The following SEC14L5 variants were observed in gnomAD, a reference collection of about 807,000 sequenced individuals.
SEC14L5 encodes SEC14 like lipid binding 5.
Under a neutral mutation model 84.6 loss-of-function variants are expected in SEC14L5, and 96 were observed. The ratio of observed to expected loss-of-function variants is 1.13; its 90% CI spans 0.96 to 1.34. The LOEUF (loss-of-function observed/expected upper bound fraction) is 1.34, where lower values mean the gene tolerates loss of function less well. SEC14L5 is among the 40% of genes most tolerant of loss of function. The pLI is 0.00. For synonymous variants in SEC14L5, 546 were observed against 383.4 expected (o/e 1.42, Z -4.95); for missense variants, 1,224 against 942.5 (o/e 1.30, Z -3.91).
At chr16:5,007,578 C>A in intron 13 of SEC14L5, 92 bp downstream of exon 13, 116 of 811,534 alleles carry the variant, frequency 1.4e-4, no homozygotes, top group Non-Finnish European at 2.0e-4. Flanking sequence ...GATGAGGATT[C>A]TTTTTTCTTT....
intron 2 of SEC14L5, among the ~76,000 whole-genome samples, chr16:4,962,057 C>CAAATCAAG: frequency 6.6e-6 from 1 of 150,758 alleles, no homozygotes; most frequent in South Asian, 2.1e-4. Flanking sequence ...CAGTCATCCC[C>CAAATCAAG]ATTTCACAAA....
chr16:4,959,124 G>A, intron 1 of SEC14L5, 149 bp from the exon 2 acceptor site: 2 of 602,402 alleles, frequency 3.3e-6, no homozygotes, highest in Non-Finnish European at 6.0e-6. Context: ...GGCTTGGCCT[G>A]GAGTAATTTG....
In SEC14L5 at chr16:5,007,423, C is replaced by A. The variant is rs1380773972; in HGVS notation, c.1509C>A (p.Asp503Glu). 3.7e-6 allele frequency: 6 copies of A among 1,613,826 alleles called. No individual in the cohort carries two copies. Among genetic ancestry groups the A allele is most frequent in the Non-Finnish European group, 5.1e-6 (6 of 1,179,810 alleles). ...CAGAAGAGGAGCAGGAGCACACGGA[C>A]CAGCTGTGGCAGTGGAGTGAGACCT... ...YMTEEEQEHT[D>E]QLWQWSETYH... is the part of the protein sequence containing the mutation. Residue 503 changes from aspartate (D) to glutamate (E), a missense_variant, in exon 13 of 16, where the codon GAC becomes GAA. Coordinates refer to ENST00000251170, the MANE Select transcript of SEC14L5 (RefSeq NM_014692.2).
At position 5,003,571 on chromosome 16, in the gene SEC14L5, C is replaced by T; in HGVS notation, c.1300C>T (p.Leu434=). The change falls in exon 11 of 16, where the codon CTG becomes TTG. Residue 434 remains leucine, a splice_region_variant and synonymous_variant. Transcript: ENST00000251170. The part of the protein sequence containing the change: ...APRVFPVLWT[L]ISPFINENTR... ...CCGAGTCTTCCCCGTGCTCTGGACA[C>T]TGGTAAGAGCTGGAGCCTGGGCCAG... The T allele has an allele frequency of 7.7e-7, 1 of 1,294,756 alleles. No homozygotes were observed. The highest frequency in any genetic ancestry group is 5.3e-5 in the East Asian group (1 of 18,996). The allele number at this position is 1,294,756 out of a possible 1,614,324, so 80.2% of individuals were successfully genotyped here. A position where few individuals can be genotyped will look rare whatever the true frequency, so the allele number is the denominator to read the frequency against.
chr16:4,987,196 T>C (rs1412251805), intron 2 of SEC14L5, among the ~76,000 whole-genome samples: 21 of 93,978 alleles, frequency 2.2e-4, no homozygotes, highest in Non-Finnish European at 2.1e-5. Flanking sequence ...CCTAGTTTAT[T>C]GAATCTTTTT....
chr16:4,977,446 C>CAAAAAAAAAAAAAAAAAAAAAAAAA (rs762657125), intron 2 of SEC14L5, among the ~76,000 whole-genome samples: 1 of 66,142 alleles, frequency 1.5e-5, no homozygotes, highest in Non-Finnish European at 2.5e-5. Flanking sequence ...GACTCCGTCT[C>CAAAAAAAAAAAAAAAAAAAAAAAAA]AAAAAAAAAA....
At chr16:4,967,724 C>T (rs1955221612) in intron 2 of SEC14L5, among the ~76,000 whole-genome samples, 1 of 151,276 alleles carries the variant, frequency 6.6e-6, no homozygotes, top group Admixed American at 6.6e-5. Context: ...AGGTGCCCGC[C>T]ACCATGCCTG....
At chr16:5,002,214 G>A (rs1363249900) in intron 10 of SEC14L5, among the ~76,000 whole-genome samples, 1 of 152,074 alleles carries the variant, frequency 6.6e-6, no homozygotes, top group Non-Finnish European at 1.5e-5. Flanking sequence ...TGTGAGACAC[G>A]GGCAGGCAGG....
In SEC14L5 at chr16:4,996,349, G is replaced by T; in HGVS notation, c.669G>T (p.Gly223=). The stretch of plus-strand genomic sequence containing the variant: ...TGAAGCTCCCCCTTCTCCTCCAAGG[G>T]GACAAGCTGGATGCGGACTACATTG... ...GPALEAVSMD[G]DKLDADYIER... is the part of the protein sequence containing the mutation. The change falls in exon 7 of 16, where the codon GGG becomes GGT. Residue 223 remains glycine, a splice_region_variant and synonymous_variant. Transcript: ENST00000251170. 2 of 1,547,058 alleles carry T rather than the reference G, an allele frequency of 1.3e-6. No individual in the cohort carries two copies. The highest frequency in any genetic ancestry group is 1.8e-6 in the Non-Finnish European group (2 of 1,142,120).
At chr16:5,000,173 C>T (rs1955659282) in intron 8 of SEC14L5, among the ~76,000 whole-genome samples, 1 of 151,594 alleles carries the variant, frequency 6.6e-6, no homozygotes, top group African/African-American at 2.4e-5. Flanking sequence ...CGCCTGTAAT[C>T]CCAGCTACTC....
intron 6 of SEC14L5, among the ~76,000 whole-genome samples, chr16:4,995,377 A>G (rs1381398290): frequency 6.6e-6 from 1 of 152,204 alleles, no homozygotes; most frequent in Admixed American, 6.5e-5. Flanking sequence ...GTGGGGGACA[A>G]GGCTGCACAG....
chr16:4,981,255 G>GTTTTTTTTTTTTTTTTTT (rs58882220), intron 2 of SEC14L5, among the ~76,000 whole-genome samples: 2 of 92,902 alleles, frequency 2.2e-5, no homozygotes, highest in African/African-American at 4.0e-5. Flanking sequence ...TAGCTAATTG[G>GTTTTTTTTTTTTTTTTTT]TTTTTTTTTT....
rs1204413407 is a variant in SEC14L5 at position 5,014,886 on chromosome 16, C to G, written c.2007C>G (p.Cys669Trp). Residue 669 changes from cysteine to tryptophan, a missense_variant, in exon 16 of 16, where the codon TGC becomes TGG. Coordinates refer to ENST00000251170, the MANE Select transcript of SEC14L5 (RefSeq NM_014692.2). ...FRGSMSSLES[C>W]TSGFSQLSAA... Reference sequence around the variant, plus strand: ...GCTCCATGTCCAGCCTGGAATCCTGCACCAGCGGCTTCTCCCAGCTCAGCG... The same window carrying G: ...GCTCCATGTCCAGCCTGGAATCCTGGACCAGCGGCTTCTCCCAGCTCAGCG... The G allele has an allele frequency of 6.2e-7, 1 of 1,613,726 alleles. No individual in the cohort carries two copies. Among genetic ancestry groups the G allele is most frequent in the Non-Finnish European group, 8.5e-7 (1 of 1,179,864 alleles).
intron 2 of SEC14L5, among the ~76,000 whole-genome samples, chr16:4,977,584 G>A (rs1955361795): frequency 2.0e-5 from 3 of 151,692 alleles, no homozygotes. Flanking sequence ...CAACTGTGAT[G>A]AGCTCATGTA....
At chr16:4,984,254 G>A (rs967340799) in intron 2 of SEC14L5, among the ~76,000 whole-genome samples, 13 of 152,178 alleles carry the variant, frequency 8.5e-5, no homozygotes, top group Non-Finnish European at 1.5e-4. Flanking sequence ...CTATTTGCCC[G>A]TTCTGAACAT....
chr16:4,991,804 G>C, intron 5 of SEC14L5, 34 bp from the exon 6 acceptor site: 1 of 1,505,778 alleles, frequency 6.6e-7, no homozygotes, highest in Non-Finnish European at 9.0e-7. Context: ...ATCCTGCCCC[G>C]TGCTCATGTG....
rs779343611 is a variant in SEC14L5, at chr16:5,000,867, A to G, written c.1072A>G (p.Asn358Asp). Reference sequence around the variant, plus strand: ...CTCTCCCTTCCAGGTTCTCTCCGTCAACGAGGAAGGACAGAAGCGGTGTGA... The same window carrying G: ...CTCTCCCTTCCAGGTTCTCTCCGTCGACGAGGAAGGACAGAAGCGGTGTGA... Reference protein sequence around the residue: ...EALLRHVLSVNEEGQKRCEGS... With the variant: ...EALLRHVLSVDEEGQKRCEGS... Residue 358 changes from asparagine (N) to aspartate (D), a missense_variant, in exon 10 of 16, where the codon AAC becomes GAC. Asn to Asp is a conservative substitution (Grantham distance 23, BLOSUM62 1). Transcript: ENST00000251170. The G allele has an allele frequency of 1.2e-6, 2 of 1,606,972 alleles. No individual in the cohort carries two copies. Among genetic ancestry groups the G allele is most frequent in the Non-Finnish European group, 1.7e-6 (2 of 1,176,848 alleles).
At chr16:4,958,789 G>A (rs59359988) in intron 1 of SEC14L5, among the ~76,000 whole-genome samples, 26,896 of 152,168 alleles carry the variant, frequency 0.18, 3,112 homozygotes, top group East Asian at 0.46. Context: ...GTACATGTGT[G>A]TGATAGAGAC....
chr16:5,006,758 G>A (rs1285229169), intron 12 of SEC14L5, among the ~76,000 whole-genome samples: 1 of 152,198 alleles, frequency 6.6e-6, no homozygotes, highest in Admixed American at 6.5e-5. Flanking sequence ...TTTAGCAAAC[G>A]GTTCTGCAGA....
Sources: allele counts gnomAD v4.1 joint callset (sites outside exome capture counted in the v4.1 genomes callset), GRCh38; gene constraint gnomAD v4.1.1; transcripts MANE v1.5; gene names NCBI Gene and HGNC (gene_info 2026-07-23, HGNC 2026-07-21).